Variants in SYN3 observed in about 807,000 individuals in gnomAD.
SYN3 encodes synapsin-3.
In SYN3, 35 loss-of-function variants were observed where a neutral mutation model predicts 65.8. The ratio of observed to expected loss-of-function variants is 0.53; its 90% CI spans 0.41 to 0.70. The LOEUF (loss-of-function observed/expected upper bound fraction) is 0.70, where lower values mean the gene tolerates loss of function less well. SYN3 is among the 30% of genes least tolerant of loss of function. The pLI, the probability that SYN3 is intolerant of heterozygous loss-of-function variation, is 0.00. For missense variants in SYN3, 680 were observed against 749.0 expected, an observed-to-expected ratio of 0.91 and a Z score of 1.08; for synonymous variants, 270 against 292.9, an observed-to-expected ratio of 0.92 and a Z score of 0.80.
At chr22:32,673,903 C>T (rs1382104676) in intron 6 of SYN3, among the ~76,000 whole-genome samples, 1 of 152,130 alleles carries the variant, frequency 6.6e-6, no homozygotes, top group East Asian at 1.9e-4. Context: ...AAAATCATCT[C>T]CTGGGAGCCC....
At chr22:32,558,144 A>G (rs2058530312) in intron 7 of SYN3, among the ~76,000 whole-genome samples, 1 of 152,184 alleles carries the variant, frequency 6.6e-6, no homozygotes, top group African/African-American at 2.4e-5. Flanking sequence ...GTTGAATGAA[A>G]AAAAGAAAGA....
chr22:32,821,665 A>G (rs1177335882), intron 6 of SYN3, among the ~76,000 whole-genome samples: 1 of 152,124 alleles, frequency 6.6e-6, no homozygotes, highest in Non-Finnish European at 1.5e-5. Flanking sequence ...CTTTCCCAAT[A>G]TCTCACAGCA....
intron 6 of SYN3, among the ~76,000 whole-genome samples, chr22:32,741,350 T>TC (rs1373835755): frequency 3.2e-4 from 43 of 134,916 alleles, no homozygotes; most frequent in Non-Finnish European, 5.4e-4. Context: ...GAGCCCAATT[T>TC]TTTTTTTTTT....
At chr22:33,001,888 A>C (rs2053069909) in intron 2 of SYN3, among the ~76,000 whole-genome samples, 1 of 152,208 alleles carries the variant, frequency 6.6e-6, no homozygotes, top group African/African-American at 2.4e-5. Context: ...GCCATTTATT[A>C]AGTTCAACCT....
chr22:32,700,327 G>A (rs900318617), intron 6 of SYN3, among the ~76,000 whole-genome samples: 1 of 152,276 alleles, frequency 6.6e-6, no homozygotes, highest in South Asian at 2.1e-4. Flanking sequence ...TCCCTGGAAG[G>A]GATGTGGCTC....
At chr22:32,539,631 G>A (rs2058221075) in intron 8 of SYN3, among the ~76,000 whole-genome samples, 1 of 152,204 alleles carries the variant, frequency 6.6e-6, no homozygotes, top group African/African-American at 2.4e-5. Flanking sequence ...CAGAGAGGGG[G>A]TTGAATGGCC....
chr22:32,605,696 G>A (rs962896717), intron 6 of SYN3, among the ~76,000 whole-genome samples: 37 of 152,300 alleles, frequency 2.4e-4, no homozygotes, highest in Admixed American at 2.0e-3. Context: ...GCATGGTGCC[G>A]CCTCTGGACA....
intron 7 of SYN3, among the ~76,000 whole-genome samples, chr22:32,587,803 G>T (rs2059071293): frequency 6.6e-6 from 1 of 152,146 alleles, no homozygotes; most frequent in Non-Finnish European, 1.5e-5. Flanking sequence ...ACAGACAGGG[G>T]TGTCTGCAGA....
intron 7 of SYN3, among the ~76,000 whole-genome samples, chr22:32,579,495 G>A (rs2058903798): frequency 6.6e-6 from 1 of 152,162 alleles, no homozygotes; most frequent in African/African-American, 2.4e-5. Context: ...CGTGGGCAGA[G>A]TCCTCATGAC....
At chr22:32,918,295 T>C (rs1418948639) in intron 4 of SYN3, among the ~76,000 whole-genome samples, 1 of 152,136 alleles carries the variant, frequency 6.6e-6, no homozygotes, top group Non-Finnish European at 1.5e-5. Flanking sequence ...AAATAATAAT[T>C]ACCCTCCTGA....
chr22:33,004,346 G>A (rs1282517076), intron 2 of SYN3, among the ~76,000 whole-genome samples: 1 of 152,248 alleles, frequency 6.6e-6, no homozygotes, highest in African/African-American at 2.4e-5. Context: ...AGCTGGGAGG[G>A]GAAGCTGTAC....
At chr22:32,887,917 A>T (rs1427852638) in intron 4 of SYN3, among the ~76,000 whole-genome samples, 1 of 152,212 alleles carries the variant, frequency 6.6e-6, no homozygotes, top group East Asian at 1.9e-4. Context: ...CTTTATAAGG[A>T]ACTGCCAAAC....
intron 10 of SYN3, among the ~76,000 whole-genome samples, chr22:32,531,969 A>G (rs549363587): frequency 2.0e-5 from 3 of 150,896 alleles, no homozygotes; most frequent in Middle Eastern, 3.2e-3. Context: ...GGCTAAAGGC[A>G]GGAAGCCTGA....
At chr22:32,800,302 C>A (rs951346436) in intron 6 of SYN3, among the ~76,000 whole-genome samples, 5 of 152,142 alleles carry the variant, frequency 3.3e-5, no homozygotes, top group African/African-American at 1.2e-4. Context: ...AAGATCCCAG[C>A]TGCAAATGGC....
In SYN3 at chr22:33,006,553, G is replaced by T; in HGVS notation, c.110C>A (p.Ser37Tyr). The T allele has an allele frequency of 1.2e-6, 2 of 1,614,204 alleles. No homozygotes were observed. Among genetic ancestry groups the T allele is most frequent in the Non-Finnish European group, 1.7e-6 (2 of 1,180,040 alleles). Residue 37 changes from serine (S) to tyrosine (Y), a missense_variant, in exon 2 of 14, where the codon TCC becomes TAC. Coordinates refer to ENST00000358763, the MANE Select transcript of SYN3 (RefSeq NM_003490.4). ...GGGGTGCCTCCTCTCCATGGCGGGGGAAGCAGGTGAGCTGGTGGAGCTATC... is the reference window on the plus strand; with the variant it reads ...GGGGTGCCTCCTCTCCATGGCGGGGTAAGCAGGTGAGCTGGTGGAGCTATC... ...RPDSSTSSPA[S>Y]PAMERRHPQP...
intron 1 of SYN3, among the ~76,000 whole-genome samples, chr22:33,032,537 T>G (rs2053773974): frequency 6.6e-6 from 1 of 151,708 alleles, no homozygotes; most frequent in Non-Finnish European, 1.5e-5. Flanking sequence ...ATCATTAGAC[T>G]AACAAAATTT....
At chr22:33,042,335 C>A (rs2053979905) in intron 1 of SYN3, among the ~76,000 whole-genome samples, 1 of 152,182 alleles carries the variant, frequency 6.6e-6, no homozygotes, top group Non-Finnish European at 1.5e-5. Context: ...GCCCCCAGAC[C>A]CACCTGTCTA....
chr22:32,611,538 C>T (rs1309688901), intron 6 of SYN3, among the ~76,000 whole-genome samples: 6 of 151,926 alleles, frequency 3.9e-5, no homozygotes, highest in African/African-American at 9.7e-5. Flanking sequence ...GTGATCTGCC[C>T]GCCTCGGCCT....
At chr22:32,546,971 C>T (rs1281021015) in intron 7 of SYN3, among the ~76,000 whole-genome samples, 1 of 151,662 alleles carries the variant, frequency 6.6e-6, no homozygotes, top group Non-Finnish European at 1.5e-5. Context: ...TTCTCTCTTA[C>T]TCTGTTTTGT....
Sources: gnomAD v4.1 joint callset for allele counts (sites outside exome capture counted in the v4.1 genomes callset) on GRCh38, gnomAD v4.1.1 for gene constraint, MANE v1.5 for transcripts, NCBI Gene and HGNC (gene_info 2026-07-23, HGNC 2026-07-21) for gene names.